Variants in KDM4C observed in about 807,000 individuals in gnomAD.
KDM4C encodes the protein lysine demethylase 4C.
Under a neutral mutation model 129.3 loss-of-function variants are expected in KDM4C, and 81 were observed. That is an observed-to-expected ratio of 0.63 (90% confidence interval 0.52 to 0.75). The LOEUF is 0.75. Ranked by LOEUF, KDM4C falls within the 30% of genes least tolerant of loss-of-function variation. The probability of loss-of-function intolerance (pLI) is 0.00; values close to 1 mark genes in which losing one functional copy is unlikely to be tolerated. For synonymous variants in KDM4C, 573 were observed against 456.1 expected, an observed-to-expected ratio of 1.26 and a Z score of -3.26; for missense variants, 1,457 against 1,304.0, an observed-to-expected ratio of 1.12 and a Z score of -1.81.
intron 8 of KDM4C, among the ~76,000 whole-genome samples, chr9:6,958,907 C>T (rs867660381): frequency 6.6e-6 from 1 of 151,986 alleles, no homozygotes; most frequent in Non-Finnish European, 1.5e-5. Flanking sequence ...CTTGGCCTCC[C>T]GAAGTGTTGG....
intron 4 of KDM4C, among the ~76,000 whole-genome samples, chr9:6,828,750 A>T (rs947903093): frequency 6.6e-6 from 1 of 152,110 alleles, no homozygotes; most frequent in African/African-American, 2.4e-5. Context: ...ACATGCCTGT[A>T]ATCCCAGCTA....
chr9:6,786,813 C>T (rs1327465095), intron 1 of KDM4C, among the ~76,000 whole-genome samples: 1 of 151,948 alleles, frequency 6.6e-6, no homozygotes, highest in Non-Finnish European at 1.5e-5. Flanking sequence ...TAGGCACCTC[C>T]CAGAAAAAGA....
At chr9:6,800,054 C>G (rs918129631) in intron 2 of KDM4C, among the ~76,000 whole-genome samples, 3 of 150,870 alleles carry the variant, frequency 2.0e-5, no homozygotes, top group Admixed American at 6.6e-5. Flanking sequence ...GAGACCACAT[C>G]TTTTCCAAAA....
At chr9:6,779,060 G>A (rs939183670) in intron 1 of KDM4C, among the ~76,000 whole-genome samples, 4 of 126,532 alleles carry the variant, frequency 3.2e-5, no homozygotes, top group Non-Finnish European at 4.7e-5. Context: ...ATGGAGTCTC[G>A]CTCTGTCGCC....
rs913589 is a variant in KDM4C at position 7,174,773 on chromosome 9, G to A, written c.*44G>A. On this transcript the variant is annotated 3_prime_UTR_variant, in exon 22 of 22. Transcript: ENST00000381309. Reference sequence around the variant, plus strand: ...GGCCACAGAGCAGCTTGGGTTGGAAGAGAGAAGATGAAGGGACATCCTTGG... The same window carrying A: ...GGCCACAGAGCAGCTTGGGTTGGAAAAGAGAAGATGAAGGGACATCCTTGG... The A allele has an allele frequency of 0.55, 866,136 of 1,564,388 alleles. 241,313 individuals are homozygous for A. Among genetic ancestry groups the A allele is most frequent in the African/African-American group, 0.64 (47,460 of 73,872 alleles).
chr9:6,779,121 C>T (rs930872508), intron 1 of KDM4C, among the ~76,000 whole-genome samples: 48 of 149,298 alleles, frequency 3.2e-4, no homozygotes, highest in Admixed American at 2.0e-4. Context: ...CTCCACCTTC[C>T]GGGTTCAAGC....
At chr9:6,799,547 AGACCGTGGAAAGGG>A (rs1828510512) in intron 2 of KDM4C, among the ~76,000 whole-genome samples, 2 of 127,632 alleles carry the variant, frequency 1.6e-5, no homozygotes, top group Admixed American at 7.4e-5. Context: ...CATGAGAGGG[AGACCGTGGAAAGGG>A]GAGACAGGAG....
chr9:6,948,053 T>C (rs1000792935), intron 8 of KDM4C: 1 of 152,236 alleles, frequency 6.6e-6, no homozygotes, highest in Non-Finnish European at 1.5e-5. Context: ...GCAGTGTGTG[T>C]CACTTTATTC....
intron 17 of KDM4C, chr9:7,076,610 C>A (rs1833949575): frequency 1.4e-6 from 2 of 1,422,198 alleles, no homozygotes; most frequent in Non-Finnish European, 1.8e-6. Context: ...GATACAATAG[C>A]CTGAGCTCCT....
intron 6 of KDM4C, among the ~76,000 whole-genome samples, chr9:6,886,329 T>G (rs1845251984): frequency 6.6e-6 from 1 of 151,954 alleles, no homozygotes; most frequent in Non-Finnish European, 1.5e-5. Context: ...TATCTTTTTT[T>G]TTTTTTTGGA....
Position 7,021,416 on chromosome 9 carries a change from A to G in KDM4C, c.2259+5487A>G, listed in dbSNP as rs199686934. Among the ~76,000 whole-genome samples the G allele has an allele frequency of 1.3e-4, 20 of 152,226 alleles. No homozygotes were observed. In the East Asian group the frequency reaches 3.1e-3, roughly 24 times the overall value. On this transcript the variant is annotated intron_variant, in intron 15 of 21. Transcript: ENST00000381309. ...TTCGTCGGCCTCCCAAAGTGCTGGG[A>G]TTACAGGCGTGAGCCACTGGGCCTG...
rs115598372 is a variant in KDM4C at position 6,866,413 on chromosome 9, G to C, written c.630-13599G>C. Among the ~76,000 whole-genome samples, 819 of 152,282 alleles carry C rather than the reference G, an allele frequency of 5.4e-3. 8 individuals are homozygous for C. The highest frequency in any genetic ancestry group is 0.019 in the African/African-American group (789 of 41,548). On this transcript the variant is annotated intron_variant, in intron 5 of 21. Coordinates refer to ENST00000381309, the MANE Select transcript of KDM4C (RefSeq NM_015061.6). ...TCCTGAATGGGGTATTTTCCAAAGG[G>C]TGTGAGAGGGCTAGCTAGGGGTTCA...
At chr9:7,006,049 G>T (rs1217987502) in intron 12 of KDM4C, among the ~76,000 whole-genome samples, 1 of 152,170 alleles carries the variant, frequency 6.6e-6, no homozygotes, top group South Asian at 2.1e-4. Context: ...AAATTAATGT[G>T]TATAAAAAGC....
At chr9:6,983,789 T>TC (rs34918867) in intron 9 of KDM4C, among the ~76,000 whole-genome samples, 151,285 of 152,314 alleles carry the variant, frequency 0.99, 75,138 homozygotes, top group East Asian at 1. Context: ...TTCTGATTTT[T>TC]ATTTATTTTC....
At chr9:6,927,293 C>A (rs143429180) in intron 8 of KDM4C, among the ~76,000 whole-genome samples, 60 of 152,190 alleles carry the variant, frequency 3.9e-4, no homozygotes, top group Non-Finnish European at 7.8e-4. Flanking sequence ...CCAAGCCTAG[C>A]TAATTTTTGT....
At chr9:7,158,684 G>C (rs1164440708) in intron 19 of KDM4C, among the ~76,000 whole-genome samples, 1 of 152,190 alleles carries the variant, frequency 6.6e-6, no homozygotes, top group Non-Finnish European at 1.5e-5. Flanking sequence ...GTTCTAATTT[G>C]ATTGCACTGT....
chr9:6,934,280 G>C (rs1824315030), intron 8 of KDM4C, among the ~76,000 whole-genome samples: 1 of 151,722 alleles, frequency 6.6e-6, no homozygotes. Context: ...AGGAGATTGA[G>C]ACTATCCTGG....
At chr9:6,855,109 C>A (rs1588711478) in intron 5 of KDM4C, among the ~76,000 whole-genome samples, 1 of 152,216 alleles carries the variant, frequency 6.6e-6, no homozygotes, top group East Asian at 1.9e-4. Flanking sequence ...TGTATGTATA[C>A]ATGGCATGAA....
chr9:7,113,780 A>C (rs1441320951), intron 18 of KDM4C, among the ~76,000 whole-genome samples: 1 of 152,222 alleles, frequency 6.6e-6, no homozygotes, highest in East Asian at 1.9e-4. Context: ...AAGTCTGGGA[A>C]ATGAGCTTCA....
Sources: gnomAD v4.1 joint callset for allele counts (sites outside exome capture counted in the v4.1 genomes callset) on GRCh38, gnomAD v4.1.1 for gene constraint, MANE v1.5 for transcripts, NCBI Gene and HGNC (gene_info 2026-07-23, HGNC 2026-07-21) for gene names.